The following WSCD2 variants were observed in gnomAD, a reference collection of about 807,000 sequenced individuals.
The protein encoded by WSCD2 is sialate:O-sulfotransferase 2.
In WSCD2, 28 loss-of-function variants were observed where a neutral mutation model predicts 55.7. That is an observed-to-expected ratio of 0.50 (90% confidence interval 0.37 to 0.69). The LOEUF is 0.69. WSCD2 is among the 30% of genes least tolerant of loss of function. WSCD2 has a pLI of 0.00. For missense variants in WSCD2, 616 were observed against 762.1 expected, an observed-to-expected ratio of 0.81 and a Z score of 2.26; for synonymous variants, 301 against 301.9, an observed-to-expected ratio of 1.00 and a Z score of 0.03.
rs1888926371 is a variant in WSCD2 at position 108,232,934 on chromosome 12, T to C, written c.1144+39T>C. 1.9e-6 allele frequency: 3 copies of C among 1,598,146 alleles called. No individual in the cohort carries two copies. The East Asian group carries it at 6.8e-5, about 36-fold the overall frequency. On this transcript the variant is annotated intron_variant, in intron 7 of 8. Transcript: ENST00000547525. ...AGGGAGGGCAGGGCAAGAGGTTCCC[T>C]GGGCTTGGGAAGGTCCCCACTTGGA...
In WSCD2 at chr12:108,248,586, G is replaced by T. The variant is rs918535866; in HGVS notation, c.*243G>T. On this transcript the variant is annotated 3_prime_UTR_variant, in exon 9 of 9. Coordinates refer to ENST00000547525, the MANE Select transcript of WSCD2 (RefSeq NM_014653.4). This position sits in a 1 kb window ranked among gnomAD's most constrained non-coding sequence, Gnocchi z 4.3. ...CAATGTGGGGCATCTTGTTTAGGGG[G>T]TTCTAGTTACATGGACTCTTTTCTG... is the stretch of plus-strand genomic sequence containing the variant. The T allele has an allele frequency of 9.2e-6, 12 of 1,306,570 alleles. No individual in the cohort carries two copies. Among genetic ancestry groups the T allele is most frequent in the African/African-American group, 1.5e-5 (1 of 67,750 alleles). 80.9% of individuals were successfully genotyped at this position (1,306,570 alleles called of 1,614,324 possible).
chr12:108,157,244 G>A lies in WSCD2; in HGVS notation c.-552+27318G>A, dbSNP rs182429404. Among the ~76,000 whole-genome samples, 256 of 152,218 alleles carry A rather than the reference G, an allele frequency of 1.7e-3. 1 individual carries two copies. The highest frequency in any genetic ancestry group is 4.5e-3 in the Admixed American group (69 of 15,296). On this transcript the variant is annotated intron_variant, in intron 1 of 8. Coordinates refer to ENST00000547525, the MANE Select transcript of WSCD2 (RefSeq NM_014653.4). ...GAGAGTTCCTCCATATACTCTTTCC[G>A]CTCTGTCCTTCACTCCACCATTATA...
At chr12:108,214,838 T>A (rs1886640258) in intron 4 of WSCD2, among the ~76,000 whole-genome samples, 1 of 152,252 alleles carries the variant, frequency 6.6e-6, no homozygotes, top group Non-Finnish European at 1.5e-5. Flanking sequence ...ATACCTTGTT[T>A]ATGGTTCACA....
intron 1 of WSCD2, among the ~76,000 whole-genome samples, chr12:108,187,187 G>C (rs999536712): frequency 6.6e-6 from 1 of 152,174 alleles, no homozygotes; most frequent in Non-Finnish European, 1.5e-5. Context: ...CAGTGGGAAG[G>C]GTAATATGCT....
intron 1 of WSCD2, among the ~76,000 whole-genome samples, chr12:108,193,524 T>G (rs1476094324): frequency 6.6e-6 from 1 of 151,952 alleles, no homozygotes; most frequent in Non-Finnish European, 1.5e-5. Context: ...GTTGGACAGA[T>G]TAATGAATAG....
chr12:108,241,209 CCAAG>C (rs1009288948), intron 8 of WSCD2, among the ~76,000 whole-genome samples: 1 of 152,114 alleles, frequency 6.6e-6, no homozygotes, highest in Non-Finnish European at 1.5e-5. Flanking sequence ...GCATTGAGCC[CCAAG>C]CATGGAACGT....
chr12:108,166,817 C>CTTT (rs550529805), intron 1 of WSCD2, among the ~76,000 whole-genome samples: 2 of 103,736 alleles, frequency 1.9e-5, no homozygotes, highest in African/African-American at 3.8e-5. Context: ...CTCTTTTTTT[C>CTTT]TTTTTTTTTT....
At chr12:108,205,330 T>G (rs756438829) in intron 2 of WSCD2, among the ~76,000 whole-genome samples, 1 of 152,170 alleles carries the variant, frequency 6.6e-6, no homozygotes, top group Non-Finnish European at 1.5e-5. Context: ...AATATTCTCA[T>G]AGGATCGCTG....
Position 108,248,086 on chromosome 12 carries a change from G to T in WSCD2, c.1441G>T (p.Glu481Ter). The T allele has an allele frequency of 6.2e-7, 1 of 1,614,218 alleles. No individual in the cohort carries two copies. Among genetic ancestry groups the T allele is most frequent in the Non-Finnish European group, 8.5e-7 (1 of 1,180,042 alleles). ...CAAGAAGGTGCTGGTGGTGCACTTT[G>T]AGGACCTGAAGCAGGACCTCTTTGT... ...FGKKVLVVHFEDLKQDLFVQL... is the reference protein window; with the variant it reads ...FGKKVLVVHF The change falls in exon 9 of 9, where the codon GAG becomes TAG. Residue 481 changes from glutamate to a stop codon, truncating the protein, a stop_gained. Transcript: ENST00000547525. LOFTEE classifies it high-confidence loss of function. This position sits in a 1 kb window ranked among gnomAD's most constrained non-coding sequence, Gnocchi z 4.3.
chr12:108,207,913 G>C (rs1885626606), intron 3 of WSCD2, among the ~76,000 whole-genome samples: 1 of 152,150 alleles, frequency 6.6e-6, no homozygotes, highest in South Asian at 2.1e-4. Flanking sequence ...CCGGCAAGGG[G>C]AGACAAACAT....
intron 1 of WSCD2, among the ~76,000 whole-genome samples, chr12:108,180,058 A>G (rs1350261594): frequency 1.3e-5 from 2 of 151,460 alleles, no homozygotes; most frequent in Non-Finnish European, 2.9e-5. Flanking sequence ...AACAAAAAAA[A>G]AAAAAAAAAG....
At chr12:108,140,049 A>T (rs909892871) in intron 1 of WSCD2, among the ~76,000 whole-genome samples, 1 of 152,150 alleles carries the variant, frequency 6.6e-6, no homozygotes, top group African/African-American at 2.4e-5. Flanking sequence ...ACGTGACCTT[A>T]TGCATGGAGA....
intron 1 of WSCD2, among the ~76,000 whole-genome samples, chr12:108,130,475 GGTGT>G (rs559546028): frequency 0.064 from 8,663 of 134,332 alleles, 314 homozygotes; most frequent in East Asian, 0.14. Flanking sequence ...TCCATTCTGG[GGTGT>G]GTGTGTGTGT....
At chr12:108,170,967 A>G (rs1001491217) in intron 1 of WSCD2, among the ~76,000 whole-genome samples, 3 of 152,206 alleles carry the variant, frequency 2.0e-5, no homozygotes, top group Admixed American at 1.3e-4. Context: ...ACATGAGACC[A>G]GACTGGCTTC....
chr12:108,176,481 T>C (rs1002454944), intron 1 of WSCD2, among the ~76,000 whole-genome samples: 1 of 152,250 alleles, frequency 6.6e-6, no homozygotes, highest in Non-Finnish European at 1.5e-5. Context: ...TCAGTGCTGT[T>C]GTGTCATCAG....
intron 6 of WSCD2, 107 bp downstream of exon 6, chr12:108,227,271 C>T (rs1235285038): frequency 7.4e-6 from 10 of 1,354,350 alleles, no homozygotes; most frequent in Non-Finnish European, 1.0e-5. Flanking sequence ...AGGAGAAAAC[C>T]ATGCAAGCCA....
At chr12:108,203,142 G>C (rs1222557084) in intron 2 of WSCD2, among the ~76,000 whole-genome samples, 3 of 152,232 alleles carry the variant, frequency 2.0e-5, no homozygotes, top group African/African-American at 7.2e-5. Flanking sequence ...TATCAGTGTA[G>C]TAGTTAGTGC....
chr12:108,238,194 GGA>G (rs1889421172), intron 7 of WSCD2, among the ~76,000 whole-genome samples: 1 of 152,138 alleles, frequency 6.6e-6, no homozygotes, highest in Non-Finnish European at 1.5e-5. Context: ...ATTCTCCTCT[GGA>G]GGAGATTTTT....
At chr12:108,203,822 T>C (rs958268672) in intron 2 of WSCD2, among the ~76,000 whole-genome samples, 1 of 152,236 alleles carries the variant, frequency 6.6e-6, no homozygotes, top group African/African-American at 2.4e-5. Context: ...AGCATGAGCA[T>C]TCCTCCCCTT....
Sources: allele counts gnomAD v4.1 joint callset (sites outside exome capture counted in the v4.1 genomes callset), GRCh38; gene constraint gnomAD v4.1.1; non-coding constraint Gnocchi (gnomAD v3.1); transcripts MANE v1.5; gene names NCBI Gene and HGNC (gene_info 2026-07-23, HGNC 2026-07-21).